BMP5: variants seen among roughly 807,000 people sequenced by gnomAD.
BMP5 encodes bone morphogenetic protein 5.
In BMP5, 23 loss-of-function variants were observed where a neutral mutation model predicts 46.6. The ratio of observed to expected loss-of-function variants is 0.49; its 90% CI spans 0.35 to 0.70. BMP5 has a LOEUF of 0.70. Ranked by LOEUF, BMP5 falls within the 30% of genes least tolerant of loss-of-function variation. The pLI, the probability that BMP5 is intolerant of heterozygous loss-of-function variation, is 0.00. For missense variants in BMP5, 545 were observed against 565.6 expected (o/e 0.96, Z 0.37); for synonymous variants, 204 against 191.9 (o/e 1.06, Z -0.52).
At chr6:55,851,056 A>C (rs1777230550) in intron 1 of BMP5, among the ~76,000 whole-genome samples, 1 of 151,590 alleles carries the variant, frequency 6.6e-6, no homozygotes, top group Non-Finnish European at 1.5e-5. Flanking sequence ...CCTACTTTAT[A>C]TTCCTTAGAG....
chr6:55,870,005 G>T (rs768863743), intron 1 of BMP5, among the ~76,000 whole-genome samples: 15 of 152,050 alleles, frequency 9.9e-5, no homozygotes, highest in Non-Finnish European at 1.2e-4. Context: ...GGGCTACAGA[G>T]ACCAAGAACA....
At chr6:55,829,602 G>A (rs1476755797) in intron 1 of BMP5, among the ~76,000 whole-genome samples, 1 of 151,636 alleles carries the variant, frequency 6.6e-6, no homozygotes, top group East Asian at 1.9e-4. Context: ...CACACTACCT[G>A]TGTTGGTACT....
chr6:55,776,766 A>G (rs1212412506), intron 3 of BMP5, among the ~76,000 whole-genome samples: 1 of 151,982 alleles, frequency 6.6e-6, no homozygotes, highest in Non-Finnish European at 1.5e-5. Flanking sequence ...ACTCTTTTAT[A>G]GTTAAATAAG....
intron 3 of BMP5, among the ~76,000 whole-genome samples, chr6:55,790,862 G>A (rs1464965289): frequency 6.6e-6 from 1 of 152,034 alleles, no homozygotes; most frequent in Non-Finnish European, 1.5e-5. Context: ...TTCCTATGGT[G>A]TCTTTGTTGT....
In BMP5 at chr6:55,867,711, T is replaced by C. The variant is rs75683369; in HGVS notation, c.490+6665A>G. ...TCTTAATAATTTTTGAATAAGGGGCTTGCATTTTCATTTGCATCAGGGTCC... is the reference window on the plus strand; with the variant it reads ...TCTTAATAATTTTTGAATAAGGGGCCTGCATTTTCATTTGCATCAGGGTCC... On this transcript the variant is annotated intron_variant, in intron 1 of 6. Coordinates refer to ENST00000370830, the MANE Select transcript of BMP5 (RefSeq NM_021073.4). Among the ~76,000 whole-genome samples the C allele has an allele frequency of 6.2e-3, 941 of 152,274 alleles. 14 individuals carry two copies. The highest frequency in any genetic ancestry group is 0.022 in the African/African-American group (913 of 41,548).
intron 1 of BMP5, among the ~76,000 whole-genome samples, chr6:55,835,097 A>AG (rs1361678179): frequency 1.3e-5 from 2 of 152,160 alleles, no homozygotes; most frequent in African/African-American, 4.8e-5. Flanking sequence ...AAAAAAAAAA[A>AG]AAAATTATAT....
intron 3 of BMP5, among the ~76,000 whole-genome samples, chr6:55,781,423 T>C (rs1775314586): frequency 6.6e-6 from 1 of 152,122 alleles, no homozygotes; most frequent in East Asian, 1.9e-4. Flanking sequence ...TTCTTTGTGT[T>C]ACAACATCAA....
intron 4 of BMP5, among the ~76,000 whole-genome samples, chr6:55,769,540 C>T (rs920676374): frequency 2.0e-5 from 3 of 151,798 alleles, no homozygotes; most frequent in African/African-American, 4.8e-5. Flanking sequence ...AAGTCTTGAA[C>T]CCATCAAAGT....
intron 1 of BMP5, among the ~76,000 whole-genome samples, chr6:55,872,486 G>A (rs1353313709): frequency 1.3e-5 from 2 of 151,546 alleles, no homozygotes; most frequent in Non-Finnish European, 3.0e-5. Flanking sequence ...TCTGAACAAT[G>A]TAACCAAAAT....
chr6:55,792,473 G>T (rs1775595256), intron 3 of BMP5, among the ~76,000 whole-genome samples: 1 of 149,032 alleles, frequency 6.7e-6, no homozygotes. Flanking sequence ...GGCAGAGCTT[G>T]CAGTGAGCCG....
At chr6:55,793,637 T>C (rs1225314428) in intron 3 of BMP5, among the ~76,000 whole-genome samples, 3 of 152,206 alleles carry the variant, frequency 2.0e-5, no homozygotes, top group Non-Finnish European at 4.4e-5. Flanking sequence ...CTTCTGGACC[T>C]TCTTAAAAGT....
At position 55,780,358 on chromosome 6, in the gene BMP5, C is replaced by T. The variant is rs373344236; in HGVS notation, c.833-6115G>A. 2.4e-4 allele frequency among the ~76,000 whole-genome samples: 36 copies of T among 149,402 alleles called. No individual in the cohort carries two copies. In the South Asian group the frequency reaches 3.8e-3, roughly 16 times the overall value. ...GCTTATGGCCAGGAATGGTGGCTCA[C>T]GCCTGTAATCCCAGCACTTTGGGAG... On this transcript the variant is annotated intron_variant, in intron 3 of 6. Transcript: ENST00000370830.
At chr6:55,783,761 C>A (rs1775381635) in intron 3 of BMP5, among the ~76,000 whole-genome samples, 1 of 151,822 alleles carries the variant, frequency 6.6e-6, no homozygotes, top group Admixed American at 6.6e-5. Flanking sequence ...TAACAAACAA[C>A]AAAAACTAAA....
At chr6:55,789,787 C>T (rs1582066503) in intron 3 of BMP5, among the ~76,000 whole-genome samples, 1 of 151,850 alleles carries the variant, frequency 6.6e-6, no homozygotes, top group Non-Finnish European at 1.5e-5. Flanking sequence ...CATTAAGAAG[C>T]GGCAATATAT....
chr6:55,800,795 G>T (rs1036007023), intron 2 of BMP5, among the ~76,000 whole-genome samples: 2 of 152,168 alleles, frequency 1.3e-5, no homozygotes, highest in African/African-American at 4.8e-5. Context: ...AATTTAAAGA[G>T]AAATCAAATA....
intron 5 of BMP5, 137 bp from the exon 6 acceptor site, chr6:55,759,252 T>C: frequency 1.6e-6 from 1 of 607,498 alleles, no homozygotes; most frequent in Non-Finnish European, 2.8e-6. Flanking sequence ...ATATATTGTA[T>C]CTGAATAGGT....
At chr6:55,757,946 T>C (rs571195793) in intron 6 of BMP5, among the ~76,000 whole-genome samples, 1 of 152,054 alleles carries the variant, frequency 6.6e-6, no homozygotes, top group South Asian at 2.1e-4. Context: ...AGTTCACAGA[T>C]ATCATTGTTT....
chr6:55,824,901 C>T (rs966997978), intron 1 of BMP5, among the ~76,000 whole-genome samples: 3 of 151,698 alleles, frequency 2.0e-5, no homozygotes, highest in Non-Finnish European at 4.4e-5. Context: ...ATGACACACA[C>T]GTTTTGAAGA....
Position 55,819,739 on chromosome 6 carries a change from A to G in BMP5, c.599T>C (p.Ile200Thr). 3.1e-6 allele frequency: 5 copies of G among 1,613,710 alleles called. No individual in the cohort carries two copies. Among genetic ancestry groups the G allele is most frequent in the Non-Finnish European group, 3.4e-6 (4 of 1,179,740 alleles). The change falls in exon 2 of 7, where the codon ATA (isoleucine) becomes ACA (threonine). Residue 200 changes from isoleucine (I) to threonine (T), a missense_variant. Transcript: ENST00000370830. ...GEAVTAAEFR[I>T]YKDRSNNRFE... ...TCGGTTGTTGCTCCGGTCCTTGTATATCCGGAATTCAGCTGCTGTCACTGC... is the reference window on the plus strand; with the variant it reads ...TCGGTTGTTGCTCCGGTCCTTGTATGTCCGGAATTCAGCTGCTGTCACTGC...
Sources: allele counts gnomAD v4.1 joint callset (sites outside exome capture counted in the v4.1 genomes callset), GRCh38; gene constraint gnomAD v4.1.1; transcripts MANE v1.5; gene names NCBI Gene and HGNC (gene_info 2026-07-23, HGNC 2026-07-21).